Variants in ABI2 observed in about 807,000 individuals in gnomAD.
ABI2 encodes the protein abl interactor 2, also known as abelson interactor 2.
ABI2 carries 25 observed loss-of-function variants against 59.2 expected under a neutral mutation model. That is an observed-to-expected ratio of 0.42 (90% CI 0.31 to 0.59). The LOEUF is 0.59. Among genes scored for constraint, ABI2 ranks in the 20% least tolerant of loss-of-function variants. The probability of loss-of-function intolerance (pLI) is 0.14; values close to 1 mark genes in which losing one functional copy is unlikely to be tolerated. For synonymous variants in ABI2, 213 were observed against 235.5 expected (o/e 0.90, Z 0.87); for missense variants, 545 against 681.8 (o/e 0.80, Z 2.23).
At chr2:203,426,805 C>A (rs866529424) in intron 11 of ABI2, among the ~76,000 whole-genome samples, 70 of 135,324 alleles carry the variant, frequency 5.2e-4, no homozygotes, top group Non-Finnish European at 8.1e-4. Context: ...AAAAAAAAAA[C>A]CACAATATGG....
At chr2:203,371,550 C>G (rs902548219) in intron 2 of ABI2, among the ~76,000 whole-genome samples, 3 of 152,076 alleles carry the variant, frequency 2.0e-5, no homozygotes, top group Non-Finnish European at 4.4e-5. Flanking sequence ...TATTTTAGGG[C>G]TGGTAAATTT....
chr2:203,396,103 CAT>C (rs2096970729), intron 7 of ABI2, among the ~76,000 whole-genome samples: 1 of 152,030 alleles, frequency 6.6e-6, no homozygotes, highest in African/African-American at 2.4e-5. Context: ...GTGTGAGAAC[CAT>C]ATTAGTAACA....
chr2:203,365,506 A>G (rs925284944), intron 1 of ABI2, among the ~76,000 whole-genome samples: 1 of 152,092 alleles, frequency 6.6e-6, no homozygotes, highest in Non-Finnish European at 1.5e-5. Flanking sequence ...TTCAGAGTGA[A>G]ATATTGAAGC....
intron 1 of ABI2, among the ~76,000 whole-genome samples, chr2:203,346,914 G>A (rs1171125639): frequency 1.3e-5 from 2 of 152,192 alleles, no homozygotes; most frequent in Non-Finnish European, 2.9e-5. Flanking sequence ...TGTGCTGCCC[G>A]ACTTCATGTG....
chr2:203,373,112 G>T (rs1186744743), intron 2 of ABI2, among the ~76,000 whole-genome samples: 2 of 152,076 alleles, frequency 1.3e-5, no homozygotes, highest in African/African-American at 4.8e-5. Flanking sequence ...CAAGGCAGGC[G>T]GCTGGGAGGT....
chr2:203,370,186 TTCTCTCTCTC>T (rs71007509), intron 2 of ABI2, among the ~76,000 whole-genome samples: 22,718 of 136,636 alleles, frequency 0.17, 2,262 homozygotes, highest in Middle Eastern at 0.29. Flanking sequence ...CATTCTCCTA[TTCTCTCTCTC>T]TCTCTCTCTC....
intron 1 of ABI2, among the ~76,000 whole-genome samples, chr2:203,352,555 C>T (rs1028362534): frequency 8.4e-6 from 1 of 119,346 alleles, no homozygotes; most frequent in Admixed American, 8.3e-5. Flanking sequence ...CGGTTTTTAA[C>T]AAAAAAAGTT....
intron 1 of ABI2, among the ~76,000 whole-genome samples, chr2:203,351,211 C>G (rs187232273): frequency 2.7e-3 from 410 of 152,244 alleles, no homozygotes; most frequent in Non-Finnish European, 5.0e-3. Flanking sequence ...ATATGTCTAT[C>G]TGTATGCCAG....
At chr2:203,367,131 G>T in intron 2 of ABI2, 87 bp downstream of exon 2, 1 of 1,417,624 alleles carries the variant, frequency 7.1e-7, no homozygotes. Context: ...CTTTTATTAT[G>T]TAAGTTAACT....
chr2:203,376,246 A>C, intron 2 of ABI2: 3 of 705,080 alleles, frequency 4.3e-6, no homozygotes, highest in Non-Finnish European at 6.9e-6. Context: ...GTCACATCTC[A>C]TGGTGGGGGA....
chr2:203,373,490 AGGGAGAGGGAGAGGGAGC>A (rs1021680999), intron 2 of ABI2, among the ~76,000 whole-genome samples: 34 of 149,844 alleles, frequency 2.3e-4, no homozygotes, highest in African/African-American at 7.5e-4. Flanking sequence ...CCGTGGGGAG[AGGGAGAGGGAGAGGGAGC>A]GGGAGAGGGA....
intron 1 of ABI2, among the ~76,000 whole-genome samples, chr2:203,348,285 G>A (rs1270801288): frequency 1.3e-5 from 2 of 152,062 alleles, no homozygotes; most frequent in Non-Finnish European, 1.5e-5. Flanking sequence ...TAAAGGTTAA[G>A]CTTAGTATTT....
chr2:203,423,939 T>A (rs2098329680), intron 11 of ABI2, among the ~76,000 whole-genome samples: 1 of 152,254 alleles, frequency 6.6e-6, no homozygotes, highest in African/African-American at 2.4e-5. Context: ...GAATGTATTT[T>A]TACTTTAGCA....
chr2:203,357,414 A>C (rs2092407414), intron 1 of ABI2, among the ~76,000 whole-genome samples: 1 of 152,228 alleles, frequency 6.6e-6, no homozygotes, highest in African/African-American at 2.4e-5. Context: ...GATAGGTTTT[A>C]CTCAAAATAG....
At position 203,328,413 on chromosome 2, in the gene ABI2, C is replaced by T. The variant is rs530817671; in HGVS notation, c.-102C>T. On this transcript the variant is annotated 5_prime_UTR_variant, in exon 1 of 12. Coordinates refer to ENST00000261018, the MANE Select transcript of ABI2 (RefSeq NM_001375670.1). ...CTCGCTCCTTCCGAGTTACCGCCGCCGTCGCCGCCGCTCCTCCTCTCCCGG... is the reference window on the plus strand; with the variant it reads ...CTCGCTCCTTCCGAGTTACCGCCGCTGTCGCCGCCGCTCCTCCTCTCCCGG... 138 of 941,802 alleles carry T rather than the reference C, an allele frequency of 1.5e-4. 2 individuals carry two copies. In the East Asian group the frequency reaches 4.2e-3, roughly 29 times the overall value. The allele number at this position is 941,802 out of a possible 1,614,324, so 58.3% of individuals were successfully genotyped here. A position where few individuals can be genotyped will look rare whatever the true frequency, so the allele number is the denominator to read the frequency against.
At chr2:203,364,313 T>C (rs1045548742) in intron 1 of ABI2, among the ~76,000 whole-genome samples, 20 of 151,998 alleles carry the variant, frequency 1.3e-4, no homozygotes, top group African/African-American at 4.1e-4. Flanking sequence ...AGGCTACTCT[T>C]GAATTCCTGA....
At chr2:203,342,099 C>G in intron 1 of ABI2, 1 of 400,722 alleles carries the variant, frequency 2.5e-6, no homozygotes, top group South Asian at 1.8e-5. Context: ...GTCCTCATTT[C>G]TTAGTGTTCA....
chr2:203,345,043 A>G (rs2082363832), intron 1 of ABI2, among the ~76,000 whole-genome samples: 1 of 152,184 alleles, frequency 6.6e-6, no homozygotes, highest in Admixed American at 6.5e-5. Context: ...CGGAGCCCGC[A>G]GTGGCAACCC....
chr2:203,424,334 A>G (rs941933809), intron 11 of ABI2, among the ~76,000 whole-genome samples: 1 of 152,216 alleles, frequency 6.6e-6, no homozygotes, highest in Admixed American at 6.5e-5. Flanking sequence ...CTGCTGGTGT[A>G]TATCTTTCCC....
Sources: allele counts gnomAD v4.1 joint callset (sites outside exome capture counted in the v4.1 genomes callset), GRCh38; gene constraint gnomAD v4.1.1; transcripts MANE v1.5; gene names NCBI Gene and HGNC (gene_info 2026-07-23, HGNC 2026-07-21).